The following AFAP1L1 variants were observed in gnomAD, a reference collection of about 807,000 sequenced individuals.
AFAP1L1 encodes the protein actin filament-associated protein 1-like 1.
In AFAP1L1, 77 loss-of-function variants were observed where a neutral mutation model predicts 99.8. The ratio of observed to expected loss-of-function variants is 0.77; its 90% CI spans 0.64 to 0.93. The LOEUF (loss-of-function observed/expected upper bound fraction) is 0.93. Among genes scored for constraint, AFAP1L1 ranks in the 40% least tolerant of loss-of-function variants. The pLI is 0.00. For missense variants in AFAP1L1, 893 were observed against 996.8 expected (o/e 0.90, Z 1.40); for synonymous variants, 373 against 395.3 (o/e 0.94, Z 0.67).
intron 1 of AFAP1L1, among the ~76,000 whole-genome samples, chr5:149,281,112 C>T (rs1376202997): frequency 6.6e-6 from 1 of 152,214 alleles, no homozygotes; most frequent in Admixed American, 6.5e-5. Context: ...CCCATGTGAT[C>T]ATACACGCTG....
At chr5:149,328,962 T>C (rs1039753156) in intron 15 of AFAP1L1, among the ~76,000 whole-genome samples, 8 of 152,142 alleles carry the variant, frequency 5.3e-5, no homozygotes, top group African/African-American at 1.9e-4. Context: ...GAACCTGCAG[T>C]AGAACACCAG....
intron 3 of AFAP1L1, 68 bp downstream of exon 3, chr5:149,300,422 C>T: frequency 2.8e-6 from 4 of 1,413,720 alleles, no homozygotes; most frequent in Non-Finnish European, 3.9e-6. Context: ...AGAAGGGTCC[C>T]CCGACTGGGC....
At chr5:149,327,371 A>T (rs571821655) in intron 15 of AFAP1L1, among the ~76,000 whole-genome samples, 2 of 152,214 alleles carry the variant, frequency 1.3e-5, no homozygotes. Flanking sequence ...TGTATTTCTC[A>T]TTGTTCTAGA....
intron 1 of AFAP1L1, among the ~76,000 whole-genome samples, chr5:149,296,334 C>T (rs1756016031): frequency 6.6e-6 from 1 of 152,116 alleles, no homozygotes; most frequent in Non-Finnish European, 1.5e-5. Flanking sequence ...ACGCCTGGCC[C>T]AATAATTTTT....
intron 18 of AFAP1L1, among the ~76,000 whole-genome samples, chr5:149,336,095 T>G (rs1163095870): frequency 6.6e-6 from 1 of 152,024 alleles, no homozygotes; most frequent in Non-Finnish European, 1.5e-5. Flanking sequence ...CAATTCTAAG[T>G]CCATGGCTCC....
chr5:149,290,590 C>G (rs1755820899), intron 1 of AFAP1L1, among the ~76,000 whole-genome samples: 2 of 152,224 alleles, frequency 1.3e-5, no homozygotes. Context: ...AAATGTGCAT[C>G]ACTAAATCAA....
intron 15 of AFAP1L1, among the ~76,000 whole-genome samples, chr5:149,323,888 A>G (rs1757023625): frequency 6.6e-6 from 1 of 152,278 alleles, no homozygotes; most frequent in Admixed American, 6.5e-5. Context: ...GATTAAAGAA[A>G]TCACCGAATG....
At chr5:149,309,273 A>G (rs1042924911) in intron 7 of AFAP1L1, among the ~76,000 whole-genome samples, 3 of 152,138 alleles carry the variant, frequency 2.0e-5, no homozygotes, top group Non-Finnish European at 2.9e-5. Flanking sequence ...CTCTATTCAG[A>G]TATGTGATTT....
At chr5:149,273,453 G>A (rs1006952528) in intron 1 of AFAP1L1, among the ~76,000 whole-genome samples, 12 of 152,002 alleles carry the variant, frequency 7.9e-5, no homozygotes, top group Non-Finnish European at 8.8e-5. Context: ...CGAGCTCAGA[G>A]GGCCAGAGGG....
chr5:149,287,857 C>T (rs1755733310), intron 1 of AFAP1L1, among the ~76,000 whole-genome samples: 1 of 151,606 alleles, frequency 6.6e-6, no homozygotes, highest in African/African-American at 2.4e-5. Context: ...GCTGGGATTA[C>T]AGGCGTGAGC....
chr5:149,313,124 TTA>T (rs200674559), intron 9 of AFAP1L1, among the ~76,000 whole-genome samples: 36 of 137,328 alleles, frequency 2.6e-4, no homozygotes, highest in African/African-American at 1.1e-3. Context: ...AAAGCTTCAT[TTA>T]AAAAAAAAAA....
intron 1 of AFAP1L1, among the ~76,000 whole-genome samples, chr5:149,277,361 C>T (rs1214725392): frequency 6.6e-6 from 1 of 152,166 alleles, no homozygotes; most frequent in Non-Finnish European, 1.5e-5. Flanking sequence ...TCCATTCTGC[C>T]TGTGTCTTGC....
At chr5:149,318,497 A>T (rs1421380556) in intron 12 of AFAP1L1, among the ~76,000 whole-genome samples, 2 of 152,224 alleles carry the variant, frequency 1.3e-5, no homozygotes, top group African/African-American at 2.4e-5. Context: ...GAAATCTTTA[A>T]GCTCCAGGAA....
intron 3 of AFAP1L1, among the ~76,000 whole-genome samples, chr5:149,300,738 G>C (rs561905923): frequency 2.6e-5 from 4 of 152,358 alleles, no homozygotes; most frequent in East Asian, 1.9e-4. Flanking sequence ...GCTGCATGCA[G>C]AGTACCTGCC....
At chr5:149,294,463 G>A (rs1755958556) in intron 1 of AFAP1L1, among the ~76,000 whole-genome samples, 1 of 152,200 alleles carries the variant, frequency 6.6e-6, no homozygotes, top group Non-Finnish European at 1.5e-5. Flanking sequence ...GTGATTGAAA[G>A]CTAGCTTCTT....
chr5:149,322,457 T>C, intron 14 of AFAP1L1, 149 bp from the exon 15 acceptor site: 2 of 548,950 alleles, frequency 3.6e-6, no homozygotes, highest in East Asian at 3.2e-5. Context: ...AAAAGTGCTT[T>C]ATGATTTTTG....
intron 1 of AFAP1L1, among the ~76,000 whole-genome samples, chr5:149,290,254 A>T (rs1052787008): frequency 6.6e-6 from 1 of 152,186 alleles, no homozygotes; most frequent in Non-Finnish European, 1.5e-5. Context: ...AATTTATATA[A>T]ATAATACATG....
rs1388915412 is a variant in AFAP1L1, at chr5:149,301,183, A to G, written c.280A>G (p.Ser94Gly). ...RDMPEDDGEP[S>G]KGASPELAKS... ...CATGCCAGAGGATGATGGGGAGCCC[A>G]GCAAAGGAGCCAGCCCTGAGCTAGC... is the stretch of plus-strand genomic sequence containing the variant. The change falls in exon 4 of 19, where the codon AGC becomes GGC. Residue 94 changes from serine (S) to glycine (G), a missense_variant. Coordinates refer to ENST00000296721, the MANE Select transcript of AFAP1L1 (RefSeq NM_152406.4). 9.3e-6 allele frequency: 15 copies of G among 1,613,938 alleles called. No individual in the cohort carries two copies. The highest frequency in any genetic ancestry group is 1.3e-5 in the Non-Finnish European group (15 of 1,179,966).
At position 149,320,366 on chromosome 5, in the gene AFAP1L1, TGTCATC is replaced by T; in HGVS notation, c.1626-22_1626-17del. The T allele has an allele frequency of 6.2e-7, 1 of 1,610,498 alleles. No individual in the cohort carries two copies. The highest frequency in any genetic ancestry group is 8.5e-7 in the Non-Finnish European group (1 of 1,176,876). On this transcript the variant is annotated intron_variant, in intron 13 of 18. Transcript: ENST00000296721. The surrounding 1 kb of genome is among the most constrained non-coding windows in gnomAD (Gnocchi z 4.0). ...TGCAAAGCATCATTGTCATTGTCAT[TGTCATC>T]GTACATTTTATTTTCTAGATATGCA...
Sources: gnomAD v4.1 joint callset for allele counts (sites outside exome capture counted in the v4.1 genomes callset) on GRCh38, gnomAD v4.1.1 for gene constraint, Gnocchi (gnomAD v3.1) non-coding constraint, MANE v1.5 for transcripts, NCBI Gene and HGNC (gene_info 2026-07-23, HGNC 2026-07-21) for gene names.